HMG20A: variants seen among roughly 807,000 people sequenced by gnomAD.
HMG20A encodes the protein high mobility group protein 20A.
A neutral mutation model predicts 43.9 loss-of-function variants in HMG20A; 17 were observed. The observed-to-expected ratio is 0.39, with a 90% confidence interval of 0.27 to 0.58. The LOEUF (loss-of-function observed/expected upper bound fraction) is 0.58, where lower values mean the gene tolerates loss of function less well. Ranked by LOEUF, HMG20A falls within the 20% of genes least tolerant of loss-of-function variation. The pLI is 0.59. For missense variants in HMG20A, 341 were observed against 438.2 expected (o/e 0.78, Z 1.98); for synonymous variants, 132 against 147.5 (o/e 0.89, Z 0.76).
chr15:77,455,211 T>G (rs1028549736), intron 1 of HMG20A, among the ~76,000 whole-genome samples: 2 of 150,930 alleles, frequency 1.3e-5, no homozygotes, highest in Non-Finnish European at 2.9e-5. Context: ...TAGAGCAATC[T>G]TAGTTGAGGA....
chr15:77,459,745 G>A (rs982556552), intron 2 of HMG20A, among the ~76,000 whole-genome samples: 1 of 152,152 alleles, frequency 6.6e-6, no homozygotes, highest in African/African-American at 2.4e-5. Context: ...AGCAGGAGAG[G>A]CAGTAGAGGA....
chr15:77,463,964 A>G (rs947745185), intron 2 of HMG20A, among the ~76,000 whole-genome samples: 1 of 152,232 alleles, frequency 6.6e-6, no homozygotes, highest in South Asian at 2.1e-4. Context: ...TAAAACATGA[A>G]GTCTGTGTTG....
intron 1 of HMG20A, among the ~76,000 whole-genome samples, chr15:77,425,473 A>G (rs1170941792): frequency 6.6e-6 from 1 of 152,238 alleles, no homozygotes; most frequent in Non-Finnish European, 1.5e-5. Flanking sequence ...AAAATGAAAG[A>G]GTGAATAGTA....
intron 1 of HMG20A, among the ~76,000 whole-genome samples, chr15:77,425,934 A>C (rs898241860): frequency 2.0e-5 from 3 of 152,238 alleles, no homozygotes; most frequent in African/African-American, 7.2e-5. Flanking sequence ...AATATTATTC[A>C]GCAACAAAGA....
In HMG20A at chr15:77,479,225, C is replaced by G. The variant is rs1432085187; in HGVS notation, c.954C>G (p.Asn318Lys). The G allele has an allele frequency of 6.2e-7, 1 of 1,613,518 alleles. No homozygotes were observed. The highest frequency in any genetic ancestry group is 1.3e-5 in the African/African-American group (1 of 74,902). The change falls in exon 9 of 10, where the codon AAC becomes AAG. Residue 318 changes from asparagine to lysine, a missense_variant. Physicochemically the swap from Asn to Lys is moderately conservative, Grantham distance 94. This residue lies in a region of HMG20A where 118 missense variants were observed against 154.5 expected (regional missense o/e 0.76). Coordinates refer to ENST00000336216, the MANE Select transcript of HMG20A (RefSeq NM_001304504.2). Reference protein sequence around the residue: ...PTVDTIDSYMNRLHSIILANP... With the variant: ...PTVDTIDSYMKRLHSIILANP... ...TGGACACCATTGACTCATATATGAA[C>G]AGACTGCACAGTATTATTTTAGCTA...
At chr15:77,443,200 T>C (rs185253394) in intron 1 of HMG20A, among the ~76,000 whole-genome samples, 2 of 150,984 alleles carry the variant, frequency 1.3e-5, no homozygotes, top group Admixed American at 1.3e-4. Context: ...ACCGGGCTAA[T>C]TTTTGTATTT....
chr15:77,437,557 T>C (rs970687322), intron 1 of HMG20A, among the ~76,000 whole-genome samples: 4 of 152,168 alleles, frequency 2.6e-5, no homozygotes, highest in South Asian at 2.1e-4. Context: ...CCTACCCACA[T>C]TTTTTAGATT....
chr15:77,515,659 G>C, the HMG20A span, among the ~76,000 whole-genome samples: 1 of 152,148 alleles, frequency 6.6e-6, no homozygotes, highest in Non-Finnish European at 1.5e-5. Flanking sequence ...TAAATGTTAA[G>C]CACACAGCTT....
At chr15:77,494,389 C>T in the HMG20A span, among the ~76,000 whole-genome samples, 33,266 of 152,078 alleles carry the variant, frequency 0.22, 4,113 homozygotes, top group Middle Eastern at 0.3. Context: ...CCTCAACTTC[C>T]CAAAGTGCTG....
the HMG20A span, among the ~76,000 whole-genome samples, chr15:77,501,632 G>T: frequency 6.6e-6 from 1 of 152,174 alleles, no homozygotes; most frequent in African/African-American, 2.4e-5. Flanking sequence ...CTCAGCTCTA[G>T]ATTCAGATAT....
chr15:77,435,450 A>T (rs2073535842), intron 1 of HMG20A, among the ~76,000 whole-genome samples: 1 of 151,794 alleles, frequency 6.6e-6, no homozygotes, highest in Non-Finnish European at 1.5e-5. Context: ...TGCCTGGCTA[A>T]ATTCTTTTAT....
At chr15:77,506,769 C>A in the HMG20A span, among the ~76,000 whole-genome samples, 1 of 152,246 alleles carries the variant, frequency 6.6e-6, no homozygotes, top group African/African-American at 2.4e-5. Flanking sequence ...CTGGAGGGAG[C>A]CATCTGTGGA....
chr15:77,437,088 T>C (rs1595914089), intron 1 of HMG20A, among the ~76,000 whole-genome samples: 2 of 152,340 alleles, frequency 1.3e-5, no homozygotes, highest in South Asian at 4.1e-4. Flanking sequence ...TACTTAACAT[T>C]TAGCTCTCAG....
chr15:77,516,411 G>A, the HMG20A span, among the ~76,000 whole-genome samples: 2 of 152,148 alleles, frequency 1.3e-5, no homozygotes, highest in African/African-American at 4.8e-5. Context: ...AGGAGTTCAA[G>A]GCTGCAATGA....
the HMG20A span, among the ~76,000 whole-genome samples, chr15:77,500,285 C>T: frequency 1.5e-3 from 225 of 152,318 alleles, no homozygotes; most frequent in Admixed American, 2.1e-3. Context: ...AGCTATTACA[C>T]CTTGCAGAAC....
intron 1 of HMG20A, among the ~76,000 whole-genome samples, chr15:77,457,353 A>G (rs2072664434): frequency 6.6e-6 from 1 of 152,152 alleles, no homozygotes; most frequent in African/African-American, 2.4e-5. Context: ...GAAGCTCCTA[A>G]GTGAATTCTC....
At chr15:77,492,344 T>C in the HMG20A span, among the ~76,000 whole-genome samples, 1 of 152,220 alleles carries the variant, frequency 6.6e-6, no homozygotes, top group African/African-American at 2.4e-5. Context: ...CTGCCAATAC[T>C]ACTGGGGCTT....
chr15:77,478,167 AGAATAGGGAGAT>A (rs1362440177), intron 7 of HMG20A, 116 bp from the exon 8 acceptor site: 17 of 786,842 alleles, frequency 2.2e-5, no homozygotes, highest in Non-Finnish European at 3.2e-5. Flanking sequence ...TGCCATAATG[AGAATAGGGAGAT>A]GAGGTGGGGT....
the HMG20A span, among the ~76,000 whole-genome samples, chr15:77,499,072 G>A: frequency 6.6e-6 from 1 of 152,152 alleles, no homozygotes; most frequent in East Asian, 1.9e-4. Context: ...ACCCCTTCTA[G>A]CTCTCAATCT....
Sources: gnomAD v4.1 joint callset for allele counts (sites outside exome capture counted in the v4.1 genomes callset) on GRCh38, gnomAD v4.1.1 for gene constraint, gnomAD v4.1.1 regional missense constraint, MANE v1.5 for transcripts, NCBI Gene and HGNC (gene_info 2026-07-23, HGNC 2026-07-21) for gene names.